The following EXOC4 variants were observed in gnomAD, a reference collection of about 807,000 sequenced individuals.
The protein encoded by EXOC4 is SEC8-like 1.
A neutral mutation model predicts 107.2 loss-of-function variants in EXOC4; 71 were observed. The ratio of observed to expected loss-of-function variants is 0.66; its 90% CI spans 0.55 to 0.81. The LOEUF (loss-of-function observed/expected upper bound fraction) is 0.81. Ranked by LOEUF, EXOC4 falls within the 30% of genes least tolerant of loss-of-function variation. EXOC4 has a pLI of 0.00. For synonymous variants in EXOC4, 456 were observed against 441.2 expected, an observed-to-expected ratio of 1.03 and a Z score of -0.42; for missense variants, 1,108 against 1,189.6, an observed-to-expected ratio of 0.93 and a Z score of 1.01.
At chr7:133,384,735 T>A (rs115938864) in intron 7 of EXOC4, among the ~76,000 whole-genome samples, 21 of 136,638 alleles carry the variant, frequency 1.5e-4, no homozygotes, top group South Asian at 2.3e-4. Context: ...TAAGCGTATT[T>A]AAAAAAAAAA....
At position 133,439,182 on chromosome 7, in the gene EXOC4, C is replaced by CTTTTTTT. The variant is rs35280420; in HGVS notation, c.1183-36131_1183-36125dup. 1.8e-3 allele frequency among the ~76,000 whole-genome samples: 165 copies of CTTTTTTT among 94,042 alleles called. 2 individuals are homozygous for CTTTTTTT. The highest frequency in any genetic ancestry group is 2.4e-3 in the East Asian group (7 of 2,860). The allele number at this position is 94,042 out of a possible 152,430, so 61.7% of individuals were successfully genotyped here. On this transcript the variant is annotated intron_variant, in intron 7 of 17. Coordinates refer to ENST00000253861, the MANE Select transcript of EXOC4 (RefSeq NM_021807.4). ...GGAAATATACCATATTTCATCAGTT[C>CTTTTTTT]TTTTTTTTTTTTTTTTTTTTTGAGA... is the stretch of plus-strand genomic sequence containing the variant.
intron 9 of EXOC4, among the ~76,000 whole-genome samples, chr7:133,498,537 A>T (rs544301942): frequency 6.6e-6 from 1 of 152,278 alleles, no homozygotes; most frequent in South Asian, 2.1e-4. Flanking sequence ...GTGAGCCGAG[A>T]TCATGCTACT....
At chr7:133,850,641 C>CG (rs1798223070) in intron 11 of EXOC4, among the ~76,000 whole-genome samples, 1 of 148,540 alleles carries the variant, frequency 6.7e-6, no homozygotes, top group African/African-American at 2.5e-5. Flanking sequence ...GTTACCCCCC[C>CG]ACACACACAC....
At position 133,802,580 on chromosome 7, in the gene EXOC4, C is replaced by T. The variant is rs117139324; in HGVS notation, c.1515-14745C>T. Among the ~76,000 whole-genome samples the T allele has an allele frequency of 3.9e-3, 586 of 152,094 alleles. 3 individuals are homozygous for T. The highest frequency in any genetic ancestry group is 6.8e-3 in the Middle Eastern group (2 of 294). ...TGCTGCTCCATATTTTTTAATAGGC[C>T]GGGCGCAGTGGCTCACACCTGTAAT... On this transcript the variant is annotated intron_variant, in intron 10 of 17. Transcript: ENST00000253861.
chr7:133,675,763 A>G (rs1259272840), intron 10 of EXOC4, among the ~76,000 whole-genome samples: 1 of 152,178 alleles, frequency 6.6e-6, no homozygotes, highest in African/African-American at 2.4e-5. Context: ...CCCTCTAAAG[A>G]GAGGCTTCAA....
chr7:133,552,760 G>T (rs766448613), intron 9 of EXOC4, among the ~76,000 whole-genome samples: 5 of 152,084 alleles, frequency 3.3e-5, no homozygotes, highest in Non-Finnish European at 5.9e-5. Flanking sequence ...ACAGTATCTG[G>T]TGCAAAGTAC....
intron 10 of EXOC4, among the ~76,000 whole-genome samples, chr7:133,686,388 C>T (rs777366203): frequency 1.3e-5 from 2 of 152,130 alleles, no homozygotes; most frequent in African/African-American, 4.8e-5. Context: ...TAGGACTCTA[C>T]TGTTAATGAA....
chr7:133,514,684 A>C (rs1446530403), intron 9 of EXOC4, among the ~76,000 whole-genome samples: 1 of 152,174 alleles, frequency 6.6e-6, no homozygotes, highest in Non-Finnish European at 1.5e-5. Flanking sequence ...AGTTCTTAAG[A>C]GGAGACTAAT....
intron 9 of EXOC4, among the ~76,000 whole-genome samples, chr7:133,581,126 A>G (rs780957355): frequency 2.0e-5 from 3 of 152,136 alleles, no homozygotes; most frequent in Non-Finnish European, 2.9e-5. Flanking sequence ...TTGATACAGG[A>G]TCAGAAAATG....
intron 14 of EXOC4, among the ~76,000 whole-genome samples, chr7:133,972,336 A>G (rs1801262090): frequency 6.6e-6 from 1 of 152,106 alleles, no homozygotes; most frequent in Admixed American, 6.6e-5. Flanking sequence ...CACTATATTT[A>G]TGATTTCTAC....
At chr7:133,886,775 A>C (rs1312509608) in intron 11 of EXOC4, among the ~76,000 whole-genome samples, 1 of 152,238 alleles carries the variant, frequency 6.6e-6, no homozygotes, top group African/African-American at 2.4e-5. Context: ...TGCTAAAGAG[A>C]TCAAATAAAT....
intron 7 of EXOC4, among the ~76,000 whole-genome samples, chr7:133,467,207 G>T: frequency 7.3e-6 from 1 of 136,864 alleles, no homozygotes. Context: ...CAATCTTTTA[G>T]CCATTGCTTT....
intron 7 of EXOC4, among the ~76,000 whole-genome samples, chr7:133,412,201 T>C (rs1384471191): frequency 6.7e-6 from 1 of 149,654 alleles, no homozygotes; most frequent in Non-Finnish European, 1.5e-5. Flanking sequence ...TATTGGGCAA[T>C]CTAAATTTAA....
At chr7:133,632,726 T>C (rs1585044103) in intron 10 of EXOC4, among the ~76,000 whole-genome samples, 2 of 152,182 alleles carry the variant, frequency 1.3e-5, no homozygotes. Flanking sequence ...ATACTTATGA[T>C]GCATATTTTC....
chr7:133,999,743 T>C (rs1487514567), intron 15 of EXOC4, among the ~76,000 whole-genome samples: 2 of 152,216 alleles, frequency 1.3e-5, no homozygotes, highest in Non-Finnish European at 2.9e-5. Flanking sequence ...ATCGTGTGCT[T>C]ATACATATTC....
intron 9 of EXOC4, among the ~76,000 whole-genome samples, chr7:133,609,244 T>G (rs1802022779): frequency 6.6e-6 from 1 of 152,222 alleles, no homozygotes; most frequent in Admixed American, 6.5e-5. Flanking sequence ...TTGTGTGGAA[T>G]CCAGTATGAC....
At chr7:134,083,750 A>G in the EXOC4 span, among the ~76,000 whole-genome samples, 5 of 152,236 alleles carry the variant, frequency 3.3e-5, no homozygotes, top group Non-Finnish European at 7.3e-5. Flanking sequence ...CTAGCATAGC[A>G]TCACTTTGAC....
intron 9 of EXOC4, among the ~76,000 whole-genome samples, chr7:133,604,770 C>G (rs1478530722): frequency 8.7e-6 from 1 of 114,432 alleles, no homozygotes; most frequent in Non-Finnish European, 1.6e-5. Flanking sequence ...GTTGCCCAGG[C>G]TGGAGTGCAG....
intron 9 of EXOC4, among the ~76,000 whole-genome samples, chr7:133,529,858 A>G (rs1011301975): frequency 2.6e-5 from 4 of 152,182 alleles, no homozygotes; most frequent in African/African-American, 9.7e-5. Context: ...GGCTTTACAA[A>G]TGAAATAGGC....
Sources: allele counts gnomAD v4.1 joint callset (sites outside exome capture counted in the v4.1 genomes callset), GRCh38; gene constraint gnomAD v4.1.1; transcripts MANE v1.5; gene names NCBI Gene and HGNC (gene_info 2026-07-23, HGNC 2026-07-21).